Variants in MUCL3 observed in about 807,000 individuals in gnomAD.
MUCL3 encodes the protein mucin-like protein 3.
A neutral mutation model predicts 70.2 loss-of-function variants in MUCL3; 42 were observed. The observed-to-expected ratio is 0.60, with a 90% CI of 0.47 to 0.77. The LOEUF (loss-of-function observed/expected upper bound fraction) is 0.77. MUCL3 is among the 30% of genes least tolerant of loss of function. The pLI, the probability that MUCL3 is intolerant of heterozygous loss-of-function variation, is 0.00. For missense variants in MUCL3, 1,429 were observed against 1,670.0 expected (o/e 0.86, Z 2.52); for synonymous variants, 522 against 647.0 (o/e 0.81, Z 2.93).
Position 30,949,186 on chromosome 6 carries a change from G to C in MUCL3, c.722G>C (p.Gly241Ala). 3.2e-6 allele frequency: 5 copies of C among 1,551,356 alleles called. No homozygotes were observed. Among genetic ancestry groups the C allele is most frequent in the Non-Finnish European group, 4.4e-6 (5 of 1,146,942 alleles). Residue 241 changes from glycine to alanine, a missense_variant, in exon 2 of 3, where the codon GGA (glycine) becomes GCA (alanine). Physicochemically the swap from Gly to Ala is moderately conservative, Grantham distance 60 (BLOSUM62 0). Coordinates refer to ENST00000462446, the MANE Select transcript of MUCL3 (RefSeq NM_080870.4). ...AASKTTYKTTGTPEESEKTED... is the reference protein window; with the variant it reads ...AASKTTYKTTATPEESEKTED... ...TCAAAAACAACATACAAGACCACAG[G>C]AACCCCAGAAGAGTCAGAAAAAACT...
rs754159205 is a variant in MUCL3 at position 30,949,982 on chromosome 6, A to G, written c.1518A>G (p.Pro506=). 1.7e-5 allele frequency: 27 copies of G among 1,545,454 alleles called. No individual in the cohort carries two copies. The South Asian group carries it at 3.2e-4, about 18-fold the overall frequency. ...AEPTENGQRT[P]FANEKTTSSS... is the part of the protein sequence containing the mutation. ...CTACAGAAAATGGACAAAGGACCCC[A>G]TTTGCCAATGAGAAAACCACATCAT... Residue 506 remains proline (P), a synonymous_variant, in exon 2 of 3, where the codon CCA becomes CCG. Coordinates refer to ENST00000462446, the MANE Select transcript of MUCL3 (RefSeq NM_080870.4).
chr6:30,946,391 G>A (rs998796712), intron 1 of MUCL3: 1 of 152,196 alleles, frequency 6.6e-6, no homozygotes, highest in Non-Finnish European at 1.5e-5. Flanking sequence ...CTGAGGGACC[G>A]AGCCTGGATG....
At position 30,953,257 on chromosome 6, in the gene MUCL3, T is replaced by C; in HGVS notation, c.*140T>C. 3 of 1,291,316 alleles carry C rather than the reference T, an allele frequency of 2.3e-6. No homozygotes were observed. Among genetic ancestry groups the C allele is most frequent in the South Asian group, 1.6e-5 (1 of 63,442 alleles). 80.0% of individuals were successfully genotyped at this position (1,291,316 alleles called of 1,614,324 possible). A position where few individuals can be genotyped will look rare whatever the true frequency, so the allele number is the denominator to read the frequency against. ...GTTACCAGTATTAACCCTTCATCTG[T>C]TCTTGAAACTGGTTGGGGAATGAGG... On this transcript the variant is annotated 3_prime_UTR_variant, in exon 3 of 3. Coordinates refer to ENST00000462446, the MANE Select transcript of MUCL3 (RefSeq NM_080870.4).
At chr6:30,946,513 ATCTGGGG>A (rs1795787875) in intron 1 of MUCL3, among the ~76,000 whole-genome samples, 1 of 152,242 alleles carries the variant, frequency 6.6e-6, no homozygotes, top group African/African-American at 2.4e-5. Context: ...GTTTAAAAAC[ATCTGGGG>A]CACAGTGAAA....
rs1372624607 is a variant in MUCL3, at chr6:30,953,135, A to T, written c.*18A>T. The T allele has an allele frequency of 6.2e-7, 1 of 1,612,972 alleles. No individual in the cohort carries two copies. The highest frequency in any genetic ancestry group is 8.5e-7 in the Non-Finnish European group (1 of 1,179,748). Reference sequence around the variant, plus strand: ...CACGGTGATCTTGGAGTAGGCGCCCAGCCCTGGCTCTTCCATGCTCTGCCC... The same window carrying T: ...CACGGTGATCTTGGAGTAGGCGCCCTGCCCTGGCTCTTCCATGCTCTGCCC... On this transcript the variant is annotated 3_prime_UTR_variant, in exon 3 of 3. Coordinates refer to ENST00000462446, the MANE Select transcript of MUCL3 (RefSeq NM_080870.4).
intron 1 of MUCL3, among the ~76,000 whole-genome samples, chr6:30,947,948 G>T (rs891637767): frequency 3.9e-5 from 6 of 152,094 alleles, no homozygotes; most frequent in Non-Finnish European, 7.4e-5. Context: ...TCTGCCAGAG[G>T]TCTTACCTCA....
chr6:30,943,834 T>C (rs1795680241), intron 1 of MUCL3, among the ~76,000 whole-genome samples: 1 of 152,068 alleles, frequency 6.6e-6, no homozygotes, highest in Admixed American at 6.6e-5. Flanking sequence ...AGCAATCATT[T>C]GATTATATCT....
Position 30,948,945 on chromosome 6 carries a change from G to A in MUCL3, c.481G>A (p.Ala161Thr). The A allele has an allele frequency of 1.3e-6, 2 of 1,550,926 alleles. No homozygotes were observed. Among genetic ancestry groups the A allele is most frequent in the Admixed American group, 3.9e-5 (2 of 50,786 alleles). ...ESAGKKHITP[A>T]PKSKINCRKS... is the part of the protein sequence containing the mutation. ...CGCTGGAAAAAAACATATAACGCCA[G>A]CACCCAAGAGCAAAATAAACTGTCG... is the stretch of plus-strand genomic sequence containing the variant. The change falls in exon 2 of 3, where the codon GCA (alanine) becomes ACA (threonine). Residue 161 changes from alanine (A) to threonine (T), a missense_variant. By Grantham distance (58) the Ala-to-Thr change is moderately conservative. Coordinates refer to ENST00000462446, the MANE Select transcript of MUCL3 (RefSeq NM_080870.4).
chr6:30,952,427 T>G lies in MUCL3; in HGVS notation c.3963T>G (p.Pro1321=). Residue 1321 remains proline (P), a synonymous_variant, in exon 2 of 3, where the codon CCT becomes CCG. Coordinates refer to ENST00000462446, the MANE Select transcript of MUCL3 (RefSeq NM_080870.4). ...AGATGGGAGAGAATGATTCATTCCC[T>G]GCATGGGCCATAGTTATTGTGGTCC... ...AGQMGENDSF[P]AWAIVIVVLV... is the part of the protein sequence containing the mutation. 1 of 1,613,946 alleles carries G rather than the reference T, an allele frequency of 6.2e-7. No homozygotes were observed. Among genetic ancestry groups the G allele is most frequent in the Non-Finnish European group, 8.5e-7 (1 of 1,179,954 alleles).
rs1456301635 is a variant in MUCL3 at position 30,952,051 on chromosome 6, G to A, written c.3587G>A (p.Cys1196Tyr). 6.2e-7 allele frequency: 1 copy of A among 1,609,940 alleles called. No homozygotes were observed. Reference sequence around the variant, plus strand: ...ACGCTATACTCAGAGAAGACCATATGCACCAAAGGGAAAAACACACCAGTC... The same window carrying A: ...ACGCTATACTCAGAGAAGACCATATACACCAAAGGGAAAAACACACCAGTC... ...KPTLYSEKTI[C>Y]TKGKNTPVPE... Residue 1196 changes from cysteine (C) to tyrosine (Y), a missense_variant, in exon 2 of 3, where the codon TGC becomes TAC. Coordinates refer to ENST00000462446, the MANE Select transcript of MUCL3 (RefSeq NM_080870.4).
At chr6:30,944,613 C>T (rs538948169) in intron 1 of MUCL3, among the ~76,000 whole-genome samples, 3 of 152,264 alleles carry the variant, frequency 2.0e-5, no homozygotes, top group South Asian at 2.1e-4. Flanking sequence ...AAGCAGATGG[C>T]GGGGACCTTT....
Position 30,951,700 on chromosome 6 carries a change from C to A in MUCL3, c.3236C>A (p.Ser1079Tyr). 1 of 1,552,278 alleles carries A rather than the reference C, an allele frequency of 6.4e-7. No homozygotes were observed. The highest frequency in any genetic ancestry group is 8.7e-7 in the Non-Finnish European group (1 of 1,147,110). ...TTGGCCAATGAGAAGATCACACTATCCCCAGAAGGGCCTACAGAACATGGA... is the reference window on the plus strand; with the variant it reads ...TTGGCCAATGAGAAGATCACACTATACCCAGAAGGGCCTACAGAACATGGA... ...TTLANEKITL[S>Y]PEGPTEHGAK... Residue 1079 changes from serine to tyrosine, a missense_variant, in exon 2 of 3, where the codon TCC (serine) becomes TAC (tyrosine). Coordinates refer to ENST00000462446, the MANE Select transcript of MUCL3 (RefSeq NM_080870.4).
chr6:30,948,547 G>A lies in MUCL3; in HGVS notation c.83G>A (p.Gly28Asp), dbSNP rs150762094. The A allele has an allele frequency of 5.9e-6, 9 of 1,528,712 alleles. No homozygotes were observed. In the East Asian group the frequency reaches 2.0e-4, roughly 33 times the overall value. The allele number at this position is 1,528,712 out of a possible 1,614,324, so 94.7% of individuals were successfully genotyped here. A position where few individuals can be genotyped will look rare whatever the true frequency, so the allele number is the denominator to read the frequency against. ...CTTATTTGCCTCTCTCCCTCCACAGGTGCTACTACATTCCAAGAATATCAG... is the reference window on the plus strand; with the variant it reads ...CTTATTTGCCTCTCTCCCTCCACAGATGCTACTACATTCCAAGAATATCAG... Reference protein sequence around the residue: ...LLFLLASWGAGATTFQEYQKT... With the variant: ...LLFLLASWGADATTFQEYQKT... Residue 28 changes from glycine (G) to aspartate (D), a missense_variant and splice_region_variant, in exon 2 of 3, where the codon GGT becomes GAT. Gly to Asp is a moderately conservative substitution (Grantham distance 94). Coordinates refer to ENST00000462446, the MANE Select transcript of MUCL3 (RefSeq NM_080870.4).
At position 30,941,433 on chromosome 6, in the gene MUCL3, TTTC is replaced by T. The variant is rs1161058683; in HGVS notation, c.82+376_82+378del. Among the ~76,000 whole-genome samples, 488 of 135,406 alleles carry T rather than the reference TTTC, an allele frequency of 3.6e-3. 6 individuals are homozygous for T. The highest frequency in any genetic ancestry group is 5.1e-3 in the Non-Finnish European group (324 of 63,960). 88.8% of individuals were successfully genotyped at this position (135,406 alleles called of 152,430 possible). A position where few individuals can be genotyped will look rare whatever the true frequency, so the allele number is the denominator to read the frequency against. ...ATTCACAGCTGCTCATGGTGATTTC[TTTC>T]TTCTTCTTCTTCTTCTTCTTCTTTT... On this transcript the variant is annotated intron_variant, in intron 1 of 2. Transcript: ENST00000462446.
At position 30,949,025 on chromosome 6, in the gene MUCL3, A is replaced by T. The variant is rs550578678; in HGVS notation, c.561A>T (p.Arg187Ser). 2.6e-6 allele frequency: 4 copies of T among 1,551,730 alleles called. No homozygotes were observed. The highest frequency in any genetic ancestry group is 1.4e-5 in the African/African-American group (1 of 73,180). The change falls in exon 2 of 3, where the codon AGA (arginine) becomes AGT (serine). Residue 187 changes from arginine to serine, a missense_variant. By Grantham distance (110) the Arg-to-Ser change is moderately radical (BLOSUM62 -1). Transcript: ENST00000462446. ...TVTRKSDKTG[R>S]PLEKSMSTLD... ...CAAGAAAATCAGATAAAACTGGAAG[A>T]CCTTTGGAAAAGTCCATGAGTACTT...
chr6:30,952,127 C>T lies in MUCL3; in HGVS notation c.3663C>T (p.Thr1221=). The change falls in exon 2 of 3, where the codon ACC becomes ACT. Residue 1221 remains threonine (T), a synonymous_variant. Transcript: ENST00000462446. Reference sequence around the variant, plus strand: ...GGAACACCACACTGACCACTGAGACCATAAAAGCCCCAGTAAAGTCCACAG... The same window carrying T: ...GGAACACCACACTGACCACTGAGACTATAAAAGCCCCAGTAAAGTCCACAG... The part of the protein sequence containing the change: ...NLGNTTLTTE[T]IKAPVKSTEN... 5.0e-6 allele frequency: 8 copies of T among 1,612,616 alleles called. No individual in the cohort carries two copies. The highest frequency in any genetic ancestry group is 6.8e-6 in the Non-Finnish European group (8 of 1,179,656).
At chr6:30,948,361 C>A (rs998052978) in intron 1 of MUCL3, among the ~76,000 whole-genome samples, 186 bp from the exon 2 acceptor site, 1 of 152,114 alleles carries the variant, frequency 6.6e-6, no homozygotes, top group Admixed American at 6.5e-5. Context: ...GGCATGCTTG[C>A]TGAAGGCACA....
rs1760652532 is a variant in MUCL3 at position 30,951,074 on chromosome 6, G to A, written c.2610G>A (p.Glu870=). ...PTENREWTAN[E]NTTLSPAEPT... is the part of the protein sequence containing the mutation. The stretch of plus-strand genomic sequence containing the variant: ...AAAATAGAGAATGGACAGCCAATGA[G>A]AACACCACACTATCCCCAGCAGAGC... Residue 870 remains glutamate (E), a synonymous_variant, in exon 2 of 3, where the codon GAG becomes GAA. Coordinates refer to ENST00000462446, the MANE Select transcript of MUCL3 (RefSeq NM_080870.4). The A allele has an allele frequency of 6.4e-7, 1 of 1,550,770 alleles. No individual in the cohort carries two copies. The highest frequency in any genetic ancestry group is 1.4e-5 in the African/African-American group (1 of 72,456).
chr6:30,945,468 C>A (rs1305235431), intron 1 of MUCL3, among the ~76,000 whole-genome samples: 1 of 116,436 alleles, frequency 8.6e-6, no homozygotes, highest in Admixed American at 9.4e-5. Flanking sequence ...TGAGACCCTG[C>A]GTCTTAAAAA....
Sources: gnomAD v4.1 joint callset for allele counts (sites outside exome capture counted in the v4.1 genomes callset) on GRCh38, gnomAD v4.1.1 for gene constraint, MANE v1.5 for transcripts, NCBI Gene and HGNC (gene_info 2026-07-23, HGNC 2026-07-21) for gene names.